ATP2B4: variants seen among roughly 807,000 people sequenced by gnomAD.
ATP2B4 encodes the protein plasma membrane calcium-transporting ATPase 4.
In ATP2B4, 39 loss-of-function variants were observed where a neutral mutation model predicts 110.3. That is an observed-to-expected ratio of 0.35 (90% confidence interval 0.27 to 0.46). ATP2B4 has a LOEUF of 0.46. ATP2B4 is among the 20% of genes least tolerant of loss of function. The pLI, the probability that ATP2B4 is intolerant of heterozygous loss-of-function variation, is 1.00. For missense variants in ATP2B4, 1,135 were observed against 1,530.9 expected (o/e 0.74, Z 4.32); for synonymous variants, 538 against 571.7 (o/e 0.94, Z 0.84).
intron 1 of ATP2B4, among the ~76,000 whole-genome samples, chr1:203,651,245 GT>G (rs1346089176): frequency 6.6e-6 from 1 of 152,008 alleles, no homozygotes; most frequent in Non-Finnish European, 1.5e-5. Context: ...CTCTGTCTCT[GT>G]CTTTCATTTC....
intron 20 of ATP2B4, chr1:203,728,310 T>C (rs1241355080): frequency 7.8e-6 from 3 of 386,558 alleles, no homozygotes; most frequent in Non-Finnish European, 1.6e-5. Flanking sequence ...TTTTTCCACT[T>C]TCCATGCATC....
At chr1:203,677,333 C>T (rs1362038370) in intron 1 of ATP2B4, among the ~76,000 whole-genome samples, 3 of 152,124 alleles carry the variant, frequency 2.0e-5, no homozygotes, top group African/African-American at 7.2e-5. Context: ...TTTTTCCCAA[C>T]CTTCCCACCT....
intron 20 of ATP2B4, among the ~76,000 whole-genome samples, 162 bp from the exon 21 acceptor site, chr1:203,739,384 A>T (rs543782614): frequency 6.6e-6 from 1 of 152,072 alleles, no homozygotes; most frequent in East Asian, 1.9e-4. Context: ...TGATGTTTCT[A>T]GTGCCCCATG....
intron 19 of ATP2B4, among the ~76,000 whole-genome samples, chr1:203,726,935 TC>T (rs1666540148): frequency 6.6e-6 from 1 of 152,186 alleles, no homozygotes; most frequent in Non-Finnish European, 1.5e-5. Flanking sequence ...GTCATTCATT[TC>T]CAATACCCTT....
At chr1:203,724,879 T>C (rs978297102) in intron 19 of ATP2B4, among the ~76,000 whole-genome samples, 5 of 143,380 alleles carry the variant, frequency 3.5e-5, no homozygotes, top group African/African-American at 7.8e-5. Flanking sequence ...TTTTTTTTTT[T>C]TTTTTTTTTT....
rs180805549 is a variant in ATP2B4 at position 203,714,382 on chromosome 1, G to A, written c.2406+105G>A. 3.3e-4 allele frequency: 409 copies of A among 1,250,764 alleles called. 3 individuals are homozygous for A. In the East Asian group the frequency reaches 7.0e-3, roughly 21 times the overall value. 77.5% of individuals were successfully genotyped at this position (1,250,764 alleles called of 1,614,324 possible). ...GCTTGCTACACCTGCATAGCCCATG[G>A]GGTGCTTTTTTGTCCAACTCCATCT... On this transcript the variant is annotated intron_variant, in intron 15 of 20. Transcript: ENST00000357681.
At chr1:203,710,381 A>T (rs1362045521) in intron 11 of ATP2B4, among the ~76,000 whole-genome samples, 1 of 151,912 alleles carries the variant, frequency 6.6e-6, no homozygotes, top group East Asian at 1.9e-4. Flanking sequence ...AAAAAAAAAA[A>T]GTGACTATTA....
rs761306402 is a variant in ATP2B4 at position 203,721,264 on chromosome 1, C to G, written c.2666C>G (p.Ala889Gly). The G allele has an allele frequency of 6.2e-7, 1 of 1,614,214 alleles. No individual in the cohort carries two copies. The highest frequency in any genetic ancestry group is 1.7e-5 in the Admixed American group (1 of 60,034). Residue 889 changes from alanine (A) to glycine (G), a missense_variant, in exon 17 of 21, where the codon GCC becomes GGC. Transcript: ENST00000357681. ...NLIMDTFASL[A>G]LATEPPTESL... is the part of the protein sequence containing the mutation. ...ATCATGGACACTTTTGCTTCATTGG[C>G]CCTGGCCACAGAGCCCCCTACGGAA... is the stretch of plus-strand genomic sequence containing the variant.
At chr1:203,718,992 AG>A (rs1435125075) in intron 15 of ATP2B4, among the ~76,000 whole-genome samples, 1 of 152,100 alleles carries the variant, frequency 6.6e-6, no homozygotes, top group Non-Finnish European at 1.5e-5. Flanking sequence ...TGGGAGGCCA[AG>A]GGAGAAGGAG....
rs1055836773 is a variant in ATP2B4, at chr1:203,720,837, A to G, written c.2598+97A>G. On this transcript the variant is annotated intron_variant, in intron 16 of 20. Coordinates refer to ENST00000357681, the MANE Select transcript of ATP2B4 (RefSeq NM_001684.5). ...GGTGTGTTTACTGAAGAGTAAAGAC[A>G]GCGTTTCCCCATGACATTGGGACAG... The G allele has an allele frequency of 9.4e-6, 13 of 1,386,150 alleles. No homozygotes were observed. In the African/African-American group the frequency reaches 1.0e-4, roughly 11 times the overall value. The allele number at this position is 1,386,150 out of a possible 1,614,324, so 85.9% of individuals were successfully genotyped here. A position where few individuals can be genotyped will look rare whatever the true frequency, so the allele number is the denominator to read the frequency against.
intron 15 of ATP2B4, among the ~76,000 whole-genome samples, chr1:203,718,199 T>G (rs1246540769): frequency 1.3e-5 from 2 of 152,096 alleles, no homozygotes; most frequent in African/African-American, 4.8e-5. Flanking sequence ...TTTATTCCAC[T>G]TTTAGAAGAA....
intron 17 of ATP2B4, among the ~76,000 whole-genome samples, chr1:203,721,646 C>A (rs1666335842): frequency 7.0e-6 from 1 of 142,592 alleles, no homozygotes. Context: ...TTTATTATTT[C>A]TTTCTTTCTT....
intron 15 of ATP2B4, among the ~76,000 whole-genome samples, chr1:203,717,769 G>A (rs1286914865): frequency 6.6e-6 from 1 of 151,768 alleles, no homozygotes; most frequent in Non-Finnish European, 1.5e-5. Context: ...AGCCTCCTGA[G>A]TTAGCTGGGA....
At chr1:203,635,797 A>G (rs1391067695) in intron 1 of ATP2B4, among the ~76,000 whole-genome samples, 2 of 152,214 alleles carry the variant, frequency 1.3e-5, no homozygotes, top group Non-Finnish European at 2.9e-5. Flanking sequence ...GTTTCTTCTC[A>G]CTTTATCTGC....
chr1:203,680,392 G>A (rs1358949431), intron 1 of ATP2B4, among the ~76,000 whole-genome samples: 1 of 152,054 alleles, frequency 6.6e-6, no homozygotes, highest in Non-Finnish European at 1.5e-5. Context: ...TGCGGATCAC[G>A]AGGTCAGGAG....
chr1:203,664,024 T>C (rs1458941790), intron 1 of ATP2B4, among the ~76,000 whole-genome samples: 2 of 152,192 alleles, frequency 1.3e-5, no homozygotes, highest in Non-Finnish European at 2.9e-5. Flanking sequence ...GACCATATGC[T>C]CTAAAATCTG....
At chr1:203,644,776 A>C (rs1445973589) in intron 1 of ATP2B4, among the ~76,000 whole-genome samples, 1 of 152,160 alleles carries the variant, frequency 6.6e-6, no homozygotes, top group South Asian at 2.1e-4. Flanking sequence ...CCAGTTCCCC[A>C]GGAGACTTGG....
chr1:203,679,826 G>A (rs931717595), intron 1 of ATP2B4, among the ~76,000 whole-genome samples: 5 of 152,126 alleles, frequency 3.3e-5, no homozygotes, highest in Admixed American at 2.0e-4. Flanking sequence ...AGGTTGCAAT[G>A]AGCTGAGATT....
chr1:203,719,154 A>T (rs1666242848), intron 15 of ATP2B4, among the ~76,000 whole-genome samples: 1 of 149,094 alleles, frequency 6.7e-6, no homozygotes, highest in African/African-American at 2.5e-5. Flanking sequence ...GAGCCCAAGA[A>T]TTCAAGGCTG....
Sources: allele counts gnomAD v4.1 joint callset (sites outside exome capture counted in the v4.1 genomes callset), GRCh38; gene constraint gnomAD v4.1.1; transcripts MANE v1.5; gene names NCBI Gene and HGNC (gene_info 2026-07-23, HGNC 2026-07-21).